Variants in IL3RA observed in about 807,000 individuals in gnomAD.
IL3RA encodes interleukin 3 receptor subunit alpha, also known as interleukin-3 receptor subunit alpha.
Under a neutral mutation model 52.3 loss-of-function variants are expected in IL3RA, and 73 were observed. The ratio of observed to expected loss-of-function variants is 1.40; its 90% confidence interval spans 1.16 to 1.70. The LOEUF (loss-of-function observed/expected upper bound fraction) is 1.70, where lower values mean the gene tolerates loss of function less well. IL3RA is among the 40% of genes most tolerant of loss of function. The pLI, the probability that IL3RA is intolerant of heterozygous loss-of-function variation, is 0.00. For synonymous variants in IL3RA, 260 were observed against 194.0 expected (o/e 1.34, Z -2.83); for missense variants, 664 against 504.4 (o/e 1.32, Z -3.03).
At position 1,378,776 on chromosome X, in the gene IL3RA, AGG is replaced by A; in HGVS notation, c.980+14_980+15del. On this transcript the variant is annotated intron_variant, in intron 10 of 11. Coordinates refer to ENST00000331035, the MANE Select transcript of IL3RA (RefSeq NM_002183.4). The stretch of plus-strand genomic sequence containing the variant: ...GTGATCTGCAGAAGGTGAGCCCTCG[AGG>A]GCGTCCGCGAGCGTCGCTTGTTTCC... 6.2e-7 allele frequency: 1 copy of A among 1,609,970 alleles called. No homozygotes were observed. The highest frequency in any genetic ancestry group is 1.7e-5 in the Admixed American group (1 of 59,978).
rs1329498056 is a variant in IL3RA, at chrX:1,352,436, C to T, written c.546C>T (p.Ile182=). ...RLSSGSQSSH[I]LVRGRSAAFG... The stretch of plus-strand genomic sequence containing the variant: ...CCAGCGGTTCTCAAAGTTCCCACAT[C>T]CTGGTGCGGGGCAGGAGCGCAGCCT... The change falls in exon 6 of 12, where the codon ATC becomes ATT. Residue 182 remains isoleucine (I), a synonymous_variant. Transcript: ENST00000331035. The T allele has an allele frequency of 6.2e-7, 1 of 1,613,888 alleles. No individual in the cohort carries two copies.
intron 9 of IL3RA, among the ~76,000 whole-genome samples, chrX:1,367,485 G>C (rs1311856706): frequency 1.4e-5 from 1 of 71,670 alleles, no homozygotes; most frequent in Non-Finnish European, 2.5e-5. Context: ...CGGGGTGCGC[G>C]GGGTGAGCCG....
chrX:1,338,296 C>T (rs1202887901), intron 1 of IL3RA, among the ~76,000 whole-genome samples: 1 of 149,972 alleles, frequency 6.7e-6, no homozygotes, highest in Non-Finnish European at 1.5e-5. Context: ...GAATATTACA[C>T]AGCCATGAAA....
intron 9 of IL3RA, among the ~76,000 whole-genome samples, chrX:1,367,915 C>T (rs2088284968): frequency 6.6e-6 from 1 of 151,918 alleles, no homozygotes; most frequent in African/African-American, 2.4e-5. Context: ...CCAAAAAGGA[C>T]CCTGAACCCG....
intron 10 of IL3RA, among the ~76,000 whole-genome samples, chrX:1,380,577 TGGGG>T (rs1229259737): frequency 1.6e-4 from 1 of 6,286 alleles, no homozygotes; most frequent in African/African-American, 1.1e-3. Context: ...AGGGGGAGGG[TGGGG>T]GAGGGGGAAG....
In IL3RA at chrX:1,358,901, A is replaced by G. The variant is rs765366880; in HGVS notation, c.759+14A>G. On this transcript the variant is annotated intron_variant, in intron 8 of 11. Coordinates refer to ENST00000331035, the MANE Select transcript of IL3RA (RefSeq NM_002183.4). ...ATCACAGAACAGGTGAGTGTTCCCT[A>G]CCCCCAGCCGCTGTACTTGACATTG... 1.2e-6 allele frequency: 2 copies of G among 1,609,348 alleles called. No individual in the cohort carries two copies. Among genetic ancestry groups the G allele is most frequent in the Non-Finnish European group, 1.7e-6 (2 of 1,177,408 alleles).
At chrX:1,348,302 G>C (rs755994290) in intron 3 of IL3RA, 129 bp from the exon 4 acceptor site, 29 of 734,280 alleles carry the variant, frequency 3.9e-5, no homozygotes, top group South Asian at 9.5e-5. Flanking sequence ...GCAGTGAGCC[G>C]AGATCACGCC....
chrX:1,341,577 C>T (rs1415411593), intron 1 of IL3RA, among the ~76,000 whole-genome samples, 151 bp from the exon 2 acceptor site: 1 of 152,038 alleles, frequency 6.6e-6, no homozygotes, highest in African/African-American at 2.4e-5. Context: ...CATTTGCACA[C>T]AGACACATAT....
chrX:1,339,859 G>A (rs1470614616), intron 1 of IL3RA, among the ~76,000 whole-genome samples: 1 of 152,016 alleles, frequency 6.6e-6, no homozygotes, highest in African/African-American at 2.4e-5. Context: ...GCACAGTGTA[G>A]GAGAGCCAGC....
chrX:1,361,447 C>T (rs1296652050), intron 8 of IL3RA, among the ~76,000 whole-genome samples: 21 of 152,088 alleles, frequency 1.4e-4, no homozygotes, highest in African/African-American at 4.6e-4. Flanking sequence ...TACATGTCAG[C>T]GGGCAAGACA....
intron 2 of IL3RA, among the ~76,000 whole-genome samples, chrX:1,342,965 C>T (rs1334635145): frequency 1.3e-5 from 2 of 151,682 alleles, no homozygotes; most frequent in African/African-American, 2.4e-5. Context: ...ATCCCAGTTA[C>T]TCGGGAGGCT....
At chrX:1,366,612 GGGGTGCGCGGGGTGAGCC>G (rs1460748515) in intron 9 of IL3RA, among the ~76,000 whole-genome samples, 8 of 34,140 alleles carry the variant, frequency 2.3e-4, no homozygotes, top group Non-Finnish European at 2.9e-4. Context: ...CGGGGTGAGC[GGGGTGCGCGGGGTGAGCC>G]GGGTGCGCGG....
chrX:1,344,348 C>T (rs765945942), intron 2 of IL3RA, among the ~76,000 whole-genome samples: 11 of 151,768 alleles, frequency 7.2e-5, no homozygotes, highest in African/African-American at 1.9e-4. Context: ...ACAGGATAAT[C>T]GCTTGAACCC....
intron 9 of IL3RA, among the ~76,000 whole-genome samples, chrX:1,373,827 A>G (rs1374785081): frequency 8.0e-5 from 5 of 62,410 alleles, no homozygotes; most frequent in Admixed American, 1.8e-4. Flanking sequence ...ACGGAGGAAC[A>G]ACCCTGTGAG....
chrX:1,361,890 C>A (rs772231373), intron 8 of IL3RA, among the ~76,000 whole-genome samples: 1 of 151,990 alleles, frequency 6.6e-6, no homozygotes, highest in Admixed American at 6.6e-5. Flanking sequence ...TTATGTCCTA[C>A]CCAGTCCCTC....
chrX:1,363,350 G>GAGTGC (rs1277420262), intron 8 of IL3RA, among the ~76,000 whole-genome samples: 1 of 149,088 alleles, frequency 6.7e-6, no homozygotes, highest in Non-Finnish European at 1.5e-5. Context: ...ACCCAGGCTG[G>GAGTGC]AGTGCAGTGG....
intron 11 of IL3RA, 136 bp downstream of exon 11, chrX:1,381,240 A>C: frequency 1.3e-6 from 1 of 778,814 alleles, no homozygotes; most frequent in Non-Finnish European, 2.2e-6. Context: ...GTCTACTAAA[A>C]ATACAAAATT....
rs372441655 is a variant in IL3RA at position 1,350,588 on chromosome X, TAA to T, written c.299-1498_299-1497del. Among the ~76,000 whole-genome samples, 183 of 121,632 alleles carry T rather than the reference TAA, an allele frequency of 1.5e-3. 6 individuals are homozygous for T. The highest frequency in any genetic ancestry group is 1.6e-3 in the African/African-American group (52 of 32,186). 79.8% of individuals were successfully genotyped at this position (121,632 alleles called of 152,430 possible). A position where few individuals can be genotyped will look rare whatever the true frequency, so the allele number is the denominator to read the frequency against. On this transcript the variant is annotated intron_variant, in intron 4 of 11. Coordinates refer to ENST00000331035, the MANE Select transcript of IL3RA (RefSeq NM_002183.4). The stretch of plus-strand genomic sequence containing the variant: ...TGGGCAACAAGAGTGAAATTCCATC[TAA>T]AAAAAAAAAAAAATTAAAAAGAAAT...
intron 8 of IL3RA, among the ~76,000 whole-genome samples, chrX:1,360,642 C>T (rs2087188535): frequency 6.6e-6 from 1 of 152,094 alleles, no homozygotes; most frequent in Admixed American, 6.6e-5. Flanking sequence ...CCTCAGCCTC[C>T]CAAGTAGCTG....
Sources: gnomAD v4.1 joint callset for allele counts (sites outside exome capture counted in the v4.1 genomes callset) on GRCh38, gnomAD v4.1.1 for gene constraint, MANE v1.5 for transcripts, NCBI Gene and HGNC (gene_info 2026-07-23, HGNC 2026-07-21) for gene names.